TMEM135: variants seen among roughly 807,000 people sequenced by gnomAD.
TMEM135 encodes the protein peroxisomal membrane protein 52.
A neutral mutation model predicts 60.3 loss-of-function variants in TMEM135; 30 were observed. That is an observed-to-expected ratio of 0.50 (90% CI 0.37 to 0.68). The LOEUF is 0.68. Among genes scored for constraint, TMEM135 ranks in the 30% least tolerant of loss-of-function variants. The pLI is 0.00. For missense variants in TMEM135, 468 were observed against 548.8 expected (o/e 0.85, Z 1.47); for synonymous variants, 190 against 186.7 (o/e 1.02, Z -0.14).
chr11:87,140,864 C>T (rs900347449), intron 4 of TMEM135, among the ~76,000 whole-genome samples: 2 of 152,104 alleles, frequency 1.3e-5, no homozygotes, highest in Non-Finnish European at 2.9e-5. Flanking sequence ...CGTTGTTTCA[C>T]CTCTGTTAGT....
chr11:87,285,366 C>T (rs1037623785), intron 6 of TMEM135, among the ~76,000 whole-genome samples: 3 of 152,094 alleles, frequency 2.0e-5, no homozygotes, highest in South Asian at 2.1e-4. Context: ...TGCAGACCCT[C>T]GCGGTGAGTG....
intron 5 of TMEM135, among the ~76,000 whole-genome samples, chr11:87,176,286 C>G (rs1939365487): frequency 6.6e-6 from 1 of 152,124 alleles, no homozygotes; most frequent in Non-Finnish European, 1.5e-5. Context: ...TCCTGTCTCC[C>G]CATGTGATGT....
At chr11:87,139,268 G>A (rs1161369191) in intron 4 of TMEM135, among the ~76,000 whole-genome samples, 1 of 152,138 alleles carries the variant, frequency 6.6e-6, no homozygotes, top group African/African-American at 2.4e-5. Flanking sequence ...GGACTGGGGA[G>A]GAGGGACAGG....
chr11:87,041,171 C>A (rs571366465), intron 1 of TMEM135, among the ~76,000 whole-genome samples: 15 of 152,216 alleles, frequency 9.9e-5, no homozygotes, highest in African/African-American at 3.6e-4. Flanking sequence ...TTAACCCTTA[C>A]ACAACCCCAG....
At chr11:87,257,908 T>C (rs1420151289) in intron 6 of TMEM135, among the ~76,000 whole-genome samples, 2 of 152,144 alleles carry the variant, frequency 1.3e-5, no homozygotes, top group Non-Finnish European at 2.9e-5. Context: ...TATTTTTAAA[T>C]ATAAATCTGG....
intron 10 of TMEM135, among the ~76,000 whole-genome samples, chr11:87,310,624 T>TAA (rs11317985): frequency 3.1e-5 from 4 of 130,472 alleles, no homozygotes; most frequent in Non-Finnish European, 1.6e-5. Context: ...AAGTTGCAAT[T>TAA]AAAAAAAAAA....
At chr11:87,214,330 T>A (rs1033396746) in intron 5 of TMEM135, among the ~76,000 whole-genome samples, 6 of 152,180 alleles carry the variant, frequency 3.9e-5, no homozygotes, top group African/African-American at 7.2e-5. Flanking sequence ...AAAGCAGCCT[T>A]TTTTCAAACT....
chr11:87,289,981 A>G (rs988595185), intron 6 of TMEM135, among the ~76,000 whole-genome samples: 90 of 150,336 alleles, frequency 6.0e-4, no homozygotes, highest in African/African-American at 2.1e-3. Context: ...TTGTGGCTGT[A>G]TAGTATTCCA....
chr11:87,113,255 G>A (rs2512334), intron 4 of TMEM135, among the ~76,000 whole-genome samples: 83,353 of 151,696 alleles, frequency 0.55, 23,724 homozygotes, highest in East Asian at 0.71. Flanking sequence ...ACTTTTCTTG[G>A]TACTTGATCT....
At chr11:87,075,356 G>A (rs1018494112) in intron 3 of TMEM135, among the ~76,000 whole-genome samples, 1 of 151,850 alleles carries the variant, frequency 6.6e-6, no homozygotes, top group Admixed American at 6.6e-5. Flanking sequence ...GGATTTCACA[G>A]TGTTAACCAG....
chr11:87,040,249 G>A (rs1286555650), intron 1 of TMEM135, among the ~76,000 whole-genome samples: 1 of 152,206 alleles, frequency 6.6e-6, no homozygotes, highest in Non-Finnish European at 1.5e-5. Context: ...ATGTAGGTAT[G>A]GGTGGGGCTA....
At chr11:87,184,986 G>A (rs1939614111) in intron 5 of TMEM135, among the ~76,000 whole-genome samples, 1 of 152,026 alleles carries the variant, frequency 6.6e-6, no homozygotes, top group Admixed American at 6.6e-5. Flanking sequence ...CAAAAGTAAA[G>A]AGGATAATCC....
chr11:87,264,383 A>G (rs986006534), intron 6 of TMEM135, among the ~76,000 whole-genome samples: 2 of 150,880 alleles, frequency 1.3e-5, no homozygotes, highest in African/African-American at 4.9e-5. Context: ...GTAATCCACT[A>G]TGGCACCTAA....
intron 6 of TMEM135, among the ~76,000 whole-genome samples, chr11:87,289,716 A>G (rs1456067163): frequency 6.6e-6 from 1 of 152,024 alleles, no homozygotes; most frequent in Admixed American, 6.6e-5. Flanking sequence ...TTGGCTTCCC[A>G]AAGTGCTGGG....
At chr11:87,160,771 C>G (rs551708329) in intron 5 of TMEM135, among the ~76,000 whole-genome samples, 3 of 152,024 alleles carry the variant, frequency 2.0e-5, no homozygotes, top group East Asian at 1.9e-4. Context: ...AAAAAAATAC[C>G]CTTCACAAAT....
intron 5 of TMEM135, among the ~76,000 whole-genome samples, chr11:87,165,968 G>A (rs1418209203): frequency 4.0e-5 from 6 of 150,278 alleles, no homozygotes; most frequent in African/African-American, 7.4e-5. Context: ...ACACCTCTAC[G>A]CGAATGAACT....
intron 4 of TMEM135, among the ~76,000 whole-genome samples, chr11:87,127,002 T>G (rs1195012013): frequency 6.6e-6 from 1 of 152,096 alleles, no homozygotes; most frequent in African/African-American, 2.4e-5. Context: ...GATAAAAAAG[T>G]CTGAGCTCAT....
rs111844297 is a variant in TMEM135, at chr11:87,087,290, CAAAA to C, written c.363-4058_363-4055del. Among the ~76,000 whole-genome samples, 443 of 133,546 alleles carry C rather than the reference CAAAA, an allele frequency of 3.3e-3. 2 individuals carry two copies. Among genetic ancestry groups the C allele is most frequent in the African/African-American group, 9.2e-3 (348 of 37,976 alleles). The allele number at this position is 133,546 out of a possible 152,430, so 87.6% of individuals were successfully genotyped here. ...TGGTTAGCACCTTTGGTCTTATTTTCAAAAAAAAAAAAAAAAACCTTCAGGTTAT... is the reference window on the plus strand; with the variant it reads ...TGGTTAGCACCTTTGGTCTTATTTTCAAAAAAAAAAAAACCTTCAGGTTAT... On this transcript the variant is annotated intron_variant, in intron 3 of 14. Transcript: ENST00000305494.
At chr11:87,227,285 T>C (rs1443138195) in intron 5 of TMEM135, among the ~76,000 whole-genome samples, 1 of 152,008 alleles carries the variant, frequency 6.6e-6, no homozygotes, top group Non-Finnish European at 1.5e-5. Context: ...AATTGACTTA[T>C]GGAATGATAG....
Sources: allele counts gnomAD v4.1 joint callset (sites outside exome capture counted in the v4.1 genomes callset), GRCh38; gene constraint gnomAD v4.1.1; transcripts MANE v1.5; gene names NCBI Gene and HGNC (gene_info 2026-07-23, HGNC 2026-07-21).